RGS12: variants seen among roughly 807,000 people sequenced by gnomAD.
RGS12 encodes regulator of G-protein signaling 12.
Under a neutral mutation model 120.1 loss-of-function variants are expected in RGS12, and 66 were observed. The observed-to-expected ratio is 0.55, with a 90% CI of 0.45 to 0.67. The LOEUF is 0.67. Ranked by LOEUF, RGS12 falls within the 30% of genes least tolerant of loss-of-function variation. The probability of loss-of-function intolerance (pLI) is 0.00; values close to 1 mark genes in which losing one functional copy is unlikely to be tolerated. For synonymous variants in RGS12, 827 were observed against 804.7 expected (o/e 1.03, Z -0.47); for missense variants, 1,859 against 1,957.7 (o/e 0.95, Z 0.95).
upstream of RGS12, among the ~76,000 whole-genome samples, chr4:3,289,537 C>T (rs1722967062): frequency 6.6e-6 from 1 of 152,066 alleles, no homozygotes; most frequent in Non-Finnish European, 1.5e-5. Flanking sequence ...TTAATTAGTG[C>T]AAATCCCATA....
chr4:3,297,595 C>T (rs1723453776), intron 1 of RGS12, among the ~76,000 whole-genome samples: 1 of 152,222 alleles, frequency 6.6e-6, no homozygotes, highest in South Asian at 2.1e-4. Flanking sequence ...AAGGAGTGCC[C>T]TGAGCACAGG....
At chr4:3,439,401 C>CG in intron 17 of RGS12, 54 bp from the exon 18 acceptor site, 2 of 1,590,958 alleles carry the variant, frequency 1.3e-6, no homozygotes, top group Non-Finnish European at 1.7e-6. Flanking sequence ...GGGTGGGTTC[C>CG]GGGGGCCCAG....
Position 3,366,569 on chromosome 4 carries a change from C to G in RGS12, c.1999-19847C>G, listed in dbSNP as rs532831775. 6.6e-6 allele frequency among the ~76,000 whole-genome samples: 1 copy of G among 152,222 alleles called. No homozygotes were observed. The highest frequency in any genetic ancestry group is 6.5e-5 in the Admixed American group (1 of 15,292). ...AGGCAGCAGGGCTTGCGGCCGGGATCCACCAGGGCCGTCCCGGTTCCTGGG... is the reference window on the plus strand; with the variant it reads ...AGGCAGCAGGGCTTGCGGCCGGGATGCACCAGGGCCGTCCCGGTTCCTGGG... On this transcript the variant is annotated intron_variant, in intron 3 of 17. Coordinates refer to ENST00000336727, the MANE Select transcript of RGS12 (RefSeq NM_001394154.1). This position sits in a 1 kb window ranked among gnomAD's most constrained non-coding sequence, Gnocchi z 4.0.
chr4:3,308,801 G>A (rs1003442756), intron 1 of RGS12, among the ~76,000 whole-genome samples: 16 of 152,270 alleles, frequency 1.1e-4, no homozygotes, highest in Non-Finnish European at 2.1e-4. Flanking sequence ...GCCGTTCAGG[G>A]CTGGGAGCCG....
chr4:3,408,524 G>C (rs908734231), intron 4 of RGS12, among the ~76,000 whole-genome samples: 2 of 152,222 alleles, frequency 1.3e-5, no homozygotes, highest in African/African-American at 4.8e-5. Context: ...GCTTATGATT[G>C]CAAGAATTCC....
Position 3,307,076 on chromosome 4 carries a change from G to A in RGS12, c.-101-8994G>A, listed in dbSNP as rs149036027. On this transcript the variant is annotated intron_variant, in intron 1 of 17. Coordinates refer to ENST00000336727, the MANE Select transcript of RGS12 (RefSeq NM_001394154.1). ...CTGACCAAGTTTGTTGTTGATGGATGTGGGGTTTGGAGTGAGCCCATCGTT... is the reference window on the plus strand; with the variant it reads ...CTGACCAAGTTTGTTGTTGATGGATATGGGGTTTGGAGTGAGCCCATCGTT... Among the ~76,000 whole-genome samples, 51 of 152,348 alleles carry A rather than the reference G, an allele frequency of 3.3e-4. 1 individual carries two copies. In the East Asian group the frequency reaches 9.3e-3, roughly 28 times the overall value.
intron 4 of RGS12, among the ~76,000 whole-genome samples, chr4:3,408,823 T>G (rs1364897834): frequency 6.6e-6 from 1 of 152,210 alleles, no homozygotes; most frequent in East Asian, 1.9e-4. Context: ...GTGCTTGAGT[T>G]GAGGCCCCCG....
chr4:3,350,851 A>G (rs1714285588), intron 3 of RGS12, among the ~76,000 whole-genome samples: 1 of 152,254 alleles, frequency 6.6e-6, no homozygotes, highest in African/African-American at 2.4e-5. Flanking sequence ...ATGTAGATGT[A>G]ACATACAATA....
chr4:3,405,431 T>A (rs1721004899), intron 4 of RGS12, among the ~76,000 whole-genome samples: 1 of 152,078 alleles, frequency 6.6e-6, no homozygotes, highest in Admixed American at 6.5e-5. Context: ...TGAGGGGCAG[T>A]CTTAAAAATA....
At chr4:3,418,716 G>T (rs1238747572) in intron 9 of RGS12, 1 of 152,246 alleles carries the variant, frequency 6.6e-6, no homozygotes, top group East Asian at 1.9e-4. Flanking sequence ...CCGAGCAAAG[G>T]CAGCTGAGAG....
At chr4:3,434,655 G>A (rs867291073) in intron 17 of RGS12, among the ~76,000 whole-genome samples, 2 of 152,208 alleles carry the variant, frequency 1.3e-5, no homozygotes, top group Non-Finnish European at 2.9e-5. Context: ...TTTCACAAAG[G>A]AGAGAGGCAT....
chr4:3,331,365 C>T (rs1266269196), intron 2 of RGS12, among the ~76,000 whole-genome samples: 1 of 151,972 alleles, frequency 6.6e-6, no homozygotes, highest in African/African-American at 2.4e-5. Context: ...GTTGTTTCAA[C>T]TTCTTATGAT....
chr4:3,370,551 C>T (rs1001433524), intron 3 of RGS12, among the ~76,000 whole-genome samples: 2 of 152,252 alleles, frequency 1.3e-5, no homozygotes, highest in Non-Finnish European at 2.9e-5. Flanking sequence ...CGGCCGCCGG[C>T]CTCAACCCCT....
chr4:3,295,783 C>T (rs376424962), intron 1 of RGS12, among the ~76,000 whole-genome samples: 1 of 152,088 alleles, frequency 6.6e-6, no homozygotes, highest in South Asian at 2.1e-4. Context: ...TGCAGGGCTT[C>T]AAGCACACAA....
intron 4 of RGS12, among the ~76,000 whole-genome samples, chr4:3,409,069 T>A (rs1019664100): frequency 6.6e-6 from 1 of 152,164 alleles, no homozygotes; most frequent in Admixed American, 6.5e-5. Flanking sequence ...CTTGAGTGGG[T>A]CCTGGAGCCT....
At chr4:3,313,820 C>T (rs1042075628) in intron 1 of RGS12, among the ~76,000 whole-genome samples, 7 of 152,180 alleles carry the variant, frequency 4.6e-5, no homozygotes, top group Non-Finnish European at 8.8e-5. Context: ...ACACTCTCCC[C>T]ATCTCTAGAG....
At position 3,342,094 on chromosome 4, in the gene RGS12, C is replaced by G. The variant is rs1187950221; in HGVS notation, c.1882-843C>G. On this transcript the variant is annotated intron_variant, in intron 2 of 17. Coordinates refer to ENST00000336727, the MANE Select transcript of RGS12 (RefSeq NM_001394154.1). ...TGCTGTAGGTTTCCCTAGGGACTCT[C>G]AAGGAATTGTGGCAAGGTTTTCTAC... 2.6e-5 allele frequency among the ~76,000 whole-genome samples: 4 copies of G among 151,804 alleles called. No homozygotes were observed. The South Asian group carries it at 6.2e-4, about 24-fold the overall frequency.
At position 3,342,516 on chromosome 4, in the gene RGS12, G is replaced by A. The variant is rs769725982; in HGVS notation, c.1882-421G>A. 2.0e-5 allele frequency: 26 copies of A among 1,290,990 alleles called. No individual in the cohort carries two copies. The East Asian group carries it at 3.3e-4, about 16-fold the overall frequency. 80.0% of individuals were successfully genotyped at this position (1,290,990 alleles called of 1,614,324 possible). A position where few individuals can be genotyped will look rare whatever the true frequency, so the allele number is the denominator to read the frequency against. On this transcript the variant is annotated intron_variant, in intron 2 of 17. Coordinates refer to ENST00000336727, the MANE Select transcript of RGS12 (RefSeq NM_001394154.1). Reference sequence around the variant, plus strand: ...TGCTTACAAAATTATGAAAAAGCACGACTTTGCTGAAAACCTGCCTTCATC... The same window carrying A: ...TGCTTACAAAATTATGAAAAAGCACAACTTTGCTGAAAACCTGCCTTCATC...
Position 3,317,566 on chromosome 4 carries a change from C to T in RGS12, c.1396C>T (p.Gln466Ter). ...AWDGVGGRGA[Q>*]PWGAPWTGPF... Reference sequence around the variant, plus strand: ...GGACGGTGTGGGTGGGAGGGGTGCCCAGCCCTGGGGTGCTCCCTGGACTGG... The same window carrying T: ...GGACGGTGTGGGTGGGAGGGGTGCCTAGCCCTGGGGTGCTCCCTGGACTGG... Residue 466 changes from glutamine to a stop codon, truncating the protein, a stop_gained, in exon 2 of 18, where the codon CAG becomes TAG. Transcript: ENST00000336727. LOFTEE classifies it high-confidence loss of function. 6.2e-7 allele frequency: 1 copy of T among 1,606,268 alleles called. No individual in the cohort carries two copies. The highest frequency in any genetic ancestry group is 8.5e-7 in the Non-Finnish European group (1 of 1,177,424).
Sources: allele counts gnomAD v4.1 joint callset (sites outside exome capture counted in the v4.1 genomes callset), GRCh38; gene constraint gnomAD v4.1.1; non-coding constraint Gnocchi (gnomAD v3.1); transcripts MANE v1.5; gene names NCBI Gene and HGNC (gene_info 2026-07-23, HGNC 2026-07-21).